Variants in NTNG1 observed in about 807,000 individuals in gnomAD.
NTNG1 encodes the protein netrin-G1.
NTNG1 carries 16 observed loss-of-function variants against 54.0 expected under a neutral mutation model. The ratio of observed to expected loss-of-function variants is 0.30; its 90% CI spans 0.20 to 0.45. The LOEUF (loss-of-function observed/expected upper bound fraction) is 0.45. Among genes scored for constraint, NTNG1 ranks in the 20% least tolerant of loss-of-function variants. The probability of loss-of-function intolerance (pLI) is 1.00; values close to 1 mark genes in which losing one functional copy is unlikely to be tolerated. For synonymous variants in NTNG1, 255 were observed against 263.1 expected (o/e 0.97, Z 0.30); for missense variants, 530 against 678.7 (o/e 0.78, Z 2.43).
At chr1:107,177,021 C>T (rs1017967987) in intron 2 of NTNG1, among the ~76,000 whole-genome samples, 4 of 152,092 alleles carry the variant, frequency 2.6e-5, no homozygotes, top group Non-Finnish European at 4.4e-5. Context: ...AGCAAAATTG[C>T]CCCAGTTGAG....
intron 7 of NTNG1, among the ~76,000 whole-genome samples, chr1:107,458,510 T>TA (rs1217891202): frequency 1.3e-5 from 2 of 152,188 alleles, no homozygotes; most frequent in African/African-American, 2.4e-5. Context: ...ATTGACCATC[T>TA]GGCTTAAAAT....
intron 3 of NTNG1, among the ~76,000 whole-genome samples, chr1:107,343,054 G>A (rs1354309517): frequency 6.6e-6 from 1 of 152,074 alleles, no homozygotes; most frequent in Non-Finnish European, 1.5e-5. Context: ...TTCTTCAAAA[G>A]ATCATCAGTG....
chr1:107,482,358 T>C lies in NTNG1; in HGVS notation c.*1518T>C, dbSNP rs1678781906. On this transcript the variant is annotated 3_prime_UTR_variant, in exon 8 of 8. Coordinates refer to ENST00000370068, the MANE Select transcript of NTNG1 (RefSeq NM_001113226.3). ...AAATATCAAAATATAAAGCAGCAAGTAGACATAACTGCTGTTCCTGAGAAT... is the reference window on the plus strand; with the variant it reads ...AAATATCAAAATATAAAGCAGCAAGCAGACATAACTGCTGTTCCTGAGAAT... 1 of 152,246 alleles carries C rather than the reference T, an allele frequency of 6.6e-6. No homozygotes were observed. The highest frequency in any genetic ancestry group is 1.5e-5 in the Non-Finnish European group (1 of 68,042). The allele number at this position is 152,246 out of a possible 1,614,324, so 9.4% of individuals were successfully genotyped here.
chr1:107,411,348 C>T (rs1345693735), intron 5 of NTNG1, among the ~76,000 whole-genome samples: 4 of 152,120 alleles, frequency 2.6e-5, no homozygotes, highest in Non-Finnish European at 1.5e-5. Context: ...GAAGTGCTAC[C>T]TGCAGGGATC....
Position 107,339,751 on chromosome 1 carries a change from A to G in NTNG1, c.887+14829A>G, listed in dbSNP as rs79940893. Among the ~76,000 whole-genome samples the G allele has an allele frequency of 1.5e-4, 23 of 152,224 alleles. No homozygotes were observed. In the East Asian group the frequency reaches 3.5e-3, roughly 23 times the overall value. ...TCCCAGAACTGTAACATGGAAAATA[A>G]TATCTACCTACTTCTCTTTCACGAA... On this transcript the variant is annotated intron_variant, in intron 3 of 7. Coordinates refer to ENST00000370068, the MANE Select transcript of NTNG1 (RefSeq NM_001113226.3).
At chr1:107,192,168 G>T (rs963437824) in intron 2 of NTNG1, among the ~76,000 whole-genome samples, 2 of 152,014 alleles carry the variant, frequency 1.3e-5, no homozygotes, top group Admixed American at 6.6e-5. Context: ...GGATTCCTAG[G>T]TATTTTAATT....
chr1:107,474,926 G>A (rs930210813), intron 7 of NTNG1, among the ~76,000 whole-genome samples: 2 of 152,198 alleles, frequency 1.3e-5, no homozygotes, highest in Admixed American at 6.5e-5. Flanking sequence ...TCTGTACATA[G>A]CAGTCTCCTA....
chr1:107,413,602 C>G (rs986361298), intron 5 of NTNG1, among the ~76,000 whole-genome samples: 2 of 152,152 alleles, frequency 1.3e-5, no homozygotes, highest in Non-Finnish European at 2.9e-5. Flanking sequence ...GGTTCACTAA[C>G]ATCCTCACAG....
intron 2 of NTNG1, among the ~76,000 whole-genome samples, chr1:107,155,409 A>G (rs1250047221): frequency 6.6e-6 from 1 of 152,044 alleles, no homozygotes; most frequent in Non-Finnish European, 1.5e-5. Flanking sequence ...TTTTTAACTC[A>G]TGTTAAATCT....
chr1:107,191,950 T>G (rs1456541865), intron 2 of NTNG1, among the ~76,000 whole-genome samples: 1 of 152,124 alleles, frequency 6.6e-6, no homozygotes, highest in Non-Finnish European at 1.5e-5. Flanking sequence ...AGTAGTTTTC[T>G]CCAATTCTGT....
At chr1:107,297,933 GA>G (rs1363179902) in intron 2 of NTNG1, among the ~76,000 whole-genome samples, 3 of 152,034 alleles carry the variant, frequency 2.0e-5, no homozygotes, top group African/African-American at 7.2e-5. Context: ...GCTACATAAT[GA>G]AAATGACAAT....
At chr1:107,315,853 T>A (rs1667306700) in intron 2 of NTNG1, among the ~76,000 whole-genome samples, 1 of 152,178 alleles carries the variant, frequency 6.6e-6, no homozygotes, top group African/African-American at 2.4e-5. Flanking sequence ...TACAGCACAG[T>A]GTCTGTCATA....
intron 7 of NTNG1, among the ~76,000 whole-genome samples, chr1:107,476,857 A>G (rs1356617050): frequency 2.0e-5 from 3 of 152,330 alleles, no homozygotes; most frequent in Admixed American, 6.5e-5. Flanking sequence ...TTGTGCATCC[A>G]TCATTCCAGC....
Position 107,148,533 on chromosome 1 carries a change from G to C in NTNG1, c.-61G>C, listed in dbSNP as rs1654309491. Reference sequence around the variant, plus strand: ...TGTATATATATGTAAACTAGACAAAGATCGCAGATCATAAAGCAAGCTCTG... The same window carrying C: ...TGTATATATATGTAAACTAGACAAACATCGCAGATCATAAAGCAAGCTCTG... On this transcript the variant is annotated 5_prime_UTR_variant, in exon 2 of 8. Transcript: ENST00000370068. 6.6e-7 allele frequency: 1 copy of C among 1,526,534 alleles called. No homozygotes were observed. Among genetic ancestry groups the C allele is most frequent in the South Asian group, 1.1e-5 (1 of 87,472 alleles). 94.6% of individuals were successfully genotyped at this position (1,526,534 alleles called of 1,614,324 possible).
At chr1:107,286,908 C>G (rs1665234707) in intron 2 of NTNG1, among the ~76,000 whole-genome samples, 1 of 152,032 alleles carries the variant, frequency 6.6e-6, no homozygotes, top group Admixed American at 6.6e-5. Flanking sequence ...TATTTTTAGG[C>G]CAACAAAGAT....
At position 107,306,968 on chromosome 1, in the gene NTNG1, G is replaced by C. The variant is rs536074164; in HGVS notation, c.247-17314G>C. On this transcript the variant is annotated intron_variant, in intron 2 of 7. Transcript: ENST00000370068. ...TTCAGCTCATAAAGTCAAAAGTGTGGATTCAGTCTTGTGTTTGGTCTTTTC... is the reference window on the plus strand; with the variant it reads ...TTCAGCTCATAAAGTCAAAAGTGTGCATTCAGTCTTGTGTTTGGTCTTTTC... Among the ~76,000 whole-genome samples the C allele has an allele frequency of 3.3e-5, 5 of 152,256 alleles. No individual in the cohort carries two copies. In the East Asian group the frequency reaches 5.8e-4, roughly 18 times the overall value.
In NTNG1 at chr1:107,154,686, G is replaced by C. The variant is rs11185065; in HGVS notation, c.246+5847G>C. Among the ~76,000 whole-genome samples the C allele has an allele frequency of 1.5e-3, 219 of 148,754 alleles. 2 individuals carry two copies. The highest frequency in any genetic ancestry group is 5.2e-3 in the African/African-American group (211 of 40,460). On this transcript the variant is annotated intron_variant, in intron 2 of 7. Transcript: ENST00000370068. ...CTGCCTGGTGTCCTGGTTAATGGTA[G>C]ACTTCTTCTTCTATCTGGCAGATAT...
At chr1:107,430,322 C>A (rs1236567153) in intron 5 of NTNG1, among the ~76,000 whole-genome samples, 1 of 152,096 alleles carries the variant, frequency 6.6e-6, no homozygotes, top group Non-Finnish European at 1.5e-5. Context: ...TACTTAGACT[C>A]TCAATGCTCA....
At chr1:107,312,082 T>C (rs1667051747) in intron 2 of NTNG1, among the ~76,000 whole-genome samples, 1 of 152,192 alleles carries the variant, frequency 6.6e-6, no homozygotes, top group Admixed American at 6.5e-5. Context: ...TTAGCAGCTA[T>C]GCAGAAAATA....
Sources: gnomAD v4.1 joint callset for allele counts (sites outside exome capture counted in the v4.1 genomes callset) on GRCh38, gnomAD v4.1.1 for gene constraint, MANE v1.5 for transcripts, NCBI Gene and HGNC (gene_info 2026-07-23, HGNC 2026-07-21) for gene names.